The following RTN1 variants were observed in gnomAD, a reference collection of about 807,000 sequenced individuals.
RTN1 encodes the protein reticulon-1.
In RTN1, 25 loss-of-function variants were observed where a neutral mutation model predicts 65.5. The ratio of observed to expected loss-of-function variants is 0.38; its 90% CI spans 0.28 to 0.53. The LOEUF is 0.53. Ranked by LOEUF, RTN1 falls within the 20% of genes least tolerant of loss-of-function variation. The probability of loss-of-function intolerance (pLI) is 0.79; values close to 1 mark genes in which losing one functional copy is unlikely to be tolerated. For synonymous variants in RTN1, 471 were observed against 447.6 expected, an observed-to-expected ratio of 1.05 and a Z score of -0.66; for missense variants, 983 against 1,025.4, an observed-to-expected ratio of 0.96 and a Z score of 0.57.
rs764570465 is a variant in RTN1 at position 59,746,327 on chromosome 14, G to C, written c.396C>G (p.Gly132=). The C allele has an allele frequency of 6.2e-7, 1 of 1,614,164 alleles. No individual in the cohort carries two copies. The highest frequency in any genetic ancestry group is 1.1e-5 in the South Asian group (1 of 91,078). ...YFTGILQKEN[G]HVTISESPEE... ...CAGGGCTCTCTGAAATGGTGACGTGGCCATTTTCCTTCTGAAGAATTCCAG... is the reference window on the plus strand; with the variant it reads ...CAGGGCTCTCTGAAATGGTGACGTGCCCATTTTCCTTCTGAAGAATTCCAG... The change falls in exon 2 of 9, where the codon GGC becomes GGG. Residue 132 remains glycine (G), a synonymous_variant. Coordinates refer to ENST00000267484, the MANE Select transcript of RTN1 (RefSeq NM_021136.3).
intron 3 of RTN1, among the ~76,000 whole-genome samples, chr14:59,616,261 AATT>A (rs1444419523): frequency 6.6e-6 from 1 of 152,160 alleles, no homozygotes; most frequent in East Asian, 1.9e-4. Context: ...TAATCATCAT[AATT>A]ATTATGTTAA....
chr14:59,769,896 G>A (rs1182851247), intron 1 of RTN1, among the ~76,000 whole-genome samples: 1 of 152,130 alleles, frequency 6.6e-6, no homozygotes, highest in African/African-American at 2.4e-5. Context: ...ATTTCCCAGA[G>A]GAACTGGTGT....
intron 3 of RTN1, among the ~76,000 whole-genome samples, chr14:59,684,166 T>C (rs900258490): frequency 6.6e-6 from 1 of 152,218 alleles, no homozygotes; most frequent in Admixed American, 6.5e-5. Flanking sequence ...TAACTTTTTT[T>C]ATTTTTTTAC....
intron 5 of RTN1, 61 bp from the exon 6 acceptor site, chr14:59,603,982 A>G: frequency 7.6e-7 from 1 of 1,319,828 alleles, no homozygotes; most frequent in Non-Finnish European, 1.1e-6. Flanking sequence ...AGAGTCTCAT[A>G]TCATTGACTT....
intron 3 of RTN1, among the ~76,000 whole-genome samples, chr14:59,627,697 T>C (rs1421866088): frequency 6.6e-6 from 1 of 152,192 alleles, no homozygotes; most frequent in Non-Finnish European, 1.5e-5. Context: ...CTTTAAACAT[T>C]CTTGTCTGTA....
At chr14:59,606,679 T>C (rs752918065) in intron 4 of RTN1, among the ~76,000 whole-genome samples, 7 of 152,360 alleles carry the variant, frequency 4.6e-5, no homozygotes, top group Non-Finnish European at 1.0e-4. Context: ...CTCTGCCACA[T>C]GTCATATATC....
chr14:59,718,235 G>A (rs1271180196), intron 3 of RTN1, among the ~76,000 whole-genome samples: 1 of 152,172 alleles, frequency 6.6e-6, no homozygotes, highest in Non-Finnish European at 1.5e-5. Flanking sequence ...GGCGGACTCA[G>A]GAATCTCTGA....
Position 59,851,455 on chromosome 14 carries a change from G to C in RTN1, c.241+18935C>G, listed in dbSNP as rs1887505023. On this transcript the variant is annotated intron_variant, in intron 1 of 8. Transcript: ENST00000267484. ...AAAAGCAACACAAAGAGCCTTAACA[G>C]CACATTCACTTTCAAAACAGGGGAT... is the stretch of plus-strand genomic sequence containing the variant. Among the ~76,000 whole-genome samples the C allele has an allele frequency of 2.0e-5, 3 of 152,170 alleles. No individual in the cohort carries two copies. In the South Asian group the frequency reaches 6.2e-4, roughly 31 times the overall value.
chr14:59,667,027 G>A (rs1416490774), intron 3 of RTN1, among the ~76,000 whole-genome samples: 1 of 147,166 alleles, frequency 6.8e-6, no homozygotes, highest in East Asian at 2.0e-4. Flanking sequence ...TTCTACCAGA[G>A]GTACAAAGAG....
intron 2 of RTN1, among the ~76,000 whole-genome samples, chr14:59,743,630 A>T (rs1885157023): frequency 6.6e-6 from 1 of 152,028 alleles, no homozygotes; most frequent in Non-Finnish European, 1.5e-5. Flanking sequence ...TACTACCCAA[A>T]TCTCAATTTA....
At chr14:59,732,651 A>G (rs536541272) in intron 2 of RTN1, among the ~76,000 whole-genome samples, 1 of 152,290 alleles carries the variant, frequency 6.6e-6, no homozygotes, top group South Asian at 2.1e-4. Context: ...TGACACACAG[A>G]GCTATGTGGA....
rs1291290089 is a variant in RTN1 at position 59,868,458 on chromosome 14, T to C, written c.241+1932A>G. 1.3e-5 allele frequency among the ~76,000 whole-genome samples: 2 copies of C among 152,216 alleles called. No homozygotes were observed. The highest frequency in any genetic ancestry group is 4.8e-5 in the African/African-American group (2 of 41,462). On this transcript the variant is annotated intron_variant, in intron 1 of 8. Transcript: ENST00000267484. The surrounding 1 kb of genome is among the most constrained non-coding windows in gnomAD (Gnocchi z 4.0). ...CAAGGTATTTCTATAATAATAATAC[T>C]AAAAATGCAAAATGCATTGTTATTT...
chr14:59,764,528 G>T (rs1230571711), intron 1 of RTN1, among the ~76,000 whole-genome samples: 1 of 151,968 alleles, frequency 6.6e-6, no homozygotes, highest in Admixed American at 6.6e-5. Flanking sequence ...CACTATGTTG[G>T]CCAGGGTGGT....
chr14:59,606,340 T>C (rs1307665368), intron 4 of RTN1, among the ~76,000 whole-genome samples: 1 of 151,986 alleles, frequency 6.6e-6, no homozygotes, highest in Admixed American at 6.5e-5. Flanking sequence ...TGTTATGGAC[T>C]GAATGTGTCC....
chr14:59,715,632 C>A (rs1884517454), intron 3 of RTN1, among the ~76,000 whole-genome samples: 1 of 152,062 alleles, frequency 6.6e-6, no homozygotes, highest in South Asian at 2.1e-4. Flanking sequence ...TCGAGACCAG[C>A]CTGGCCAAAA....
intron 3 of RTN1, among the ~76,000 whole-genome samples, chr14:59,636,037 T>C (rs995385779): frequency 1.8e-4 from 28 of 152,150 alleles, no homozygotes; most frequent in African/African-American, 6.8e-4. Context: ...GCTGGAAAGA[T>C]GGAAACTATC....
chr14:59,865,007 T>C (rs1594772652), intron 1 of RTN1, among the ~76,000 whole-genome samples: 1 of 152,140 alleles, frequency 6.6e-6, no homozygotes, highest in Non-Finnish European at 1.5e-5. Flanking sequence ...TTTATGTCAG[T>C]TGAGCGTTTT....
At chr14:59,749,240 ATATATATCTATATATCTATATATATC>A (rs1885318071) in intron 1 of RTN1, among the ~76,000 whole-genome samples, 1 of 59,464 alleles carries the variant, frequency 1.7e-5, no homozygotes, top group African/African-American at 8.7e-5. Flanking sequence ...ATATATATCT[ATATATATCTATATATCTATATATATC>A]TATATATATA....
intron 5 of RTN1, chr14:59,604,308 G>A (rs916051088): frequency 2.4e-5 from 4 of 163,668 alleles, no homozygotes; most frequent in Non-Finnish European, 4.0e-5. Flanking sequence ...GTGTTCAGAA[G>A]TCTTATGGGC....
Sources: gnomAD v4.1 joint callset for allele counts (sites outside exome capture counted in the v4.1 genomes callset) on GRCh38, gnomAD v4.1.1 for gene constraint, Gnocchi (gnomAD v3.1) non-coding constraint, MANE v1.5 for transcripts, NCBI Gene and HGNC (gene_info 2026-07-23, HGNC 2026-07-21) for gene names.